Variants in ZSWIM6 observed in about 807,000 individuals in gnomAD.
The protein encoded by ZSWIM6 is zinc finger SWIM domain-containing protein 6.
ZSWIM6 carries 9 observed loss-of-function variants against 113.2 expected under a neutral mutation model. The ratio of observed to expected loss-of-function variants is 0.08; its 90% CI spans 0.05 to 0.14. The LOEUF is 0.14. Ranked by LOEUF, ZSWIM6 falls within the 10% of genes least tolerant of loss-of-function variation. ZSWIM6 has a pLI of 1.00. For synonymous variants in ZSWIM6, 611 were observed against 606.5 expected, an observed-to-expected ratio of 1.01 and a Z score of -0.11; for missense variants, 1,162 against 1,552.2, an observed-to-expected ratio of 0.75 and a Z score of 4.22.
At chr5:61,525,682 G>T in intron 5 of ZSWIM6, 118 bp from the exon 6 acceptor site, 2 of 1,182,440 alleles carry the variant, frequency 1.7e-6, no homozygotes, top group Admixed American at 2.2e-5. Flanking sequence ...TTCTGCTTAG[G>T]GGGTGCAGGA....
chr5:61,362,650 G>T (rs1250079677), intron 1 of ZSWIM6, among the ~76,000 whole-genome samples: 1 of 152,126 alleles, frequency 6.6e-6, no homozygotes, highest in Non-Finnish European at 1.5e-5. Context: ...TGTCCCTATC[G>T]TCTAAGGCTG....
chr5:61,511,031 AATT>A (rs1748773992), intron 4 of ZSWIM6, among the ~76,000 whole-genome samples: 1 of 152,180 alleles, frequency 6.6e-6, no homozygotes. Context: ...TGGGACTCTG[AATT>A]AATAAAATTT....
chr5:61,507,058 G>A (rs1339609090), intron 4 of ZSWIM6, among the ~76,000 whole-genome samples: 1 of 152,162 alleles, frequency 6.6e-6, no homozygotes, highest in Non-Finnish European at 1.5e-5. Context: ...CTTTAGAGAA[G>A]GTGATGCTGG....
At chr5:61,464,145 A>T (rs2112171909) in intron 1 of ZSWIM6, among the ~76,000 whole-genome samples, 1 of 141,188 alleles carries the variant, frequency 7.1e-6, no homozygotes, top group Non-Finnish European at 1.5e-5. Context: ...GTGCATGCCA[A>T]CACACCCGGC....
intron 2 of ZSWIM6, among the ~76,000 whole-genome samples, chr5:61,478,946 G>A (rs1446408631): frequency 6.6e-6 from 1 of 152,086 alleles, no homozygotes; most frequent in African/African-American, 2.4e-5. Flanking sequence ...CAAGGTGAGT[G>A]GATCACTTGA....
At chr5:61,355,166 T>A (rs1015139049) in intron 1 of ZSWIM6, among the ~76,000 whole-genome samples, 1 of 152,170 alleles carries the variant, frequency 6.6e-6, no homozygotes, top group Non-Finnish European at 1.5e-5. Context: ...GTTTCCCTTG[T>A]CAAAGGACCA....
At chr5:61,508,103 A>G (rs901615123) in intron 4 of ZSWIM6, among the ~76,000 whole-genome samples, 1 of 152,114 alleles carries the variant, frequency 6.6e-6, no homozygotes, top group Non-Finnish European at 1.5e-5. Context: ...CTTCTTTTTC[A>G]TGTGAGGGTG....
intron 3 of ZSWIM6, among the ~76,000 whole-genome samples, 192 bp downstream of exon 3, chr5:61,491,126 A>G (rs899233731): frequency 6.6e-6 from 1 of 151,996 alleles, no homozygotes; most frequent in Non-Finnish European, 1.5e-5. Flanking sequence ...GATATGGGAT[A>G]TTTTTGTCTC....
At chr5:61,397,303 T>G (rs917100694) in intron 1 of ZSWIM6, among the ~76,000 whole-genome samples, 2 of 152,240 alleles carry the variant, frequency 1.3e-5, no homozygotes, top group Admixed American at 6.5e-5. Flanking sequence ...TTTTCTTAAA[T>G]TTAAATACAT....
At chr5:61,526,121 A>G in intron 6 of ZSWIM6, 129 bp from the exon 7 acceptor site, 1 of 1,424,142 alleles carries the variant, frequency 7.0e-7, no homozygotes, top group Middle Eastern at 1.9e-4. Context: ...TTTTCATTCA[A>G]ATCCAAGTTC....
rs369980857 is a variant in ZSWIM6, at chr5:61,351,736, A to G, written c.676+18788A>G. On this transcript the variant is annotated intron_variant, in intron 1 of 13. Coordinates refer to ENST00000252744, the MANE Select transcript of ZSWIM6 (RefSeq NM_020928.2). ...CAGTTTAATATTTTCAGTGAAGTTT[A>G]GACTGGATTAGCCATCACATCAAGC... Among the ~76,000 whole-genome samples, 13 of 152,286 alleles carry G rather than the reference A, an allele frequency of 8.5e-5. No homozygotes were observed. The East Asian group carries it at 2.1e-3, about 25-fold the overall frequency.
At position 61,543,870 on chromosome 5, in the gene ZSWIM6, T is replaced by A. The variant is rs1749812327; in HGVS notation, c.3201T>A (p.Pro1067=). The A allele has an allele frequency of 1.9e-6, 3 of 1,552,030 alleles. No homozygotes were observed. The highest frequency in any genetic ancestry group is 2.6e-6 in the Non-Finnish European group (3 of 1,147,072). The part of the protein sequence containing the change: ...LNLSYNQDTH[P]AINDVLWACA... Reference sequence around the variant, plus strand: ...TGAGCTACAATCAGGACACACACCCTGCCATTAATGATGTTTTGTGGGCCT... The same window carrying A: ...TGAGCTACAATCAGGACACACACCCAGCCATTAATGATGTTTTGTGGGCCT... The change falls in exon 14 of 14, where the codon CCT becomes CCA. Residue 1067 remains proline, a synonymous_variant. Coordinates refer to ENST00000252744, the MANE Select transcript of ZSWIM6 (RefSeq NM_020928.2). The surrounding 1 kb of genome is among the most constrained non-coding windows in gnomAD (Gnocchi z 4.3).
chr5:61,364,822 G>A lies in ZSWIM6; in HGVS notation c.676+31874G>A, dbSNP rs1360775834. Among the ~76,000 whole-genome samples, 11 of 152,030 alleles carry A rather than the reference G, an allele frequency of 7.2e-5. No homozygotes were observed. In the East Asian group the frequency reaches 7.7e-4, roughly 11 times the overall value. On this transcript the variant is annotated intron_variant, in intron 1 of 13. Transcript: ENST00000252744. ...AGGGTTCTGCCCTCATGACCTAATC[G>A]TCCCTCAGAGGTTCTACCACCTAAC...
intron 1 of ZSWIM6, among the ~76,000 whole-genome samples, chr5:61,412,633 A>G (rs550530060): frequency 6.6e-6 from 1 of 152,344 alleles, no homozygotes; most frequent in East Asian, 1.9e-4. Context: ...CAAAACCAGA[A>G]AAGAGGCACA....
At chr5:61,435,859 G>A (rs114672653) in intron 1 of ZSWIM6, among the ~76,000 whole-genome samples, 2,335 of 152,218 alleles carry the variant, frequency 0.015, 25 homozygotes, top group Non-Finnish European at 0.026. Flanking sequence ...TTTCTGGTCT[G>A]TAGTCAAGAA....
In ZSWIM6 at chr5:61,494,320, G is replaced by C; in HGVS notation, c.1243G>C (p.Glu415Gln). 6.4e-7 allele frequency: 1 copy of C among 1,551,138 alleles called. No individual in the cohort carries two copies. Among genetic ancestry groups the C allele is most frequent in the Non-Finnish European group, 8.7e-7 (1 of 1,146,600 alleles). Residue 415 changes from glutamate to glutamine, a missense_variant, in exon 4 of 14, where the codon GAG becomes CAG. Around this residue, in one of 4 missense-constraint regions of ZSWIM6, gnomAD observed 96 missense variants for 240.3 expected, o/e 0.40. Transcript: ENST00000252744. ...GGCCCGCATGTTGACCTTGATAACAGAGCAATTCATGGCTGACCCTCGCCT... is the reference window on the plus strand; with the variant it reads ...GGCCCGCATGTTGACCTTGATAACACAGCAATTCATGGCTGACCCTCGCCT... ...NGARMLTLIT[E>Q]QFMADPRLSL...
chr5:61,334,041 C>A (rs768152325), intron 1 of ZSWIM6, among the ~76,000 whole-genome samples: 2 of 152,196 alleles, frequency 1.3e-5, no homozygotes, highest in African/African-American at 4.8e-5. Flanking sequence ...TTTCTGTCAC[C>A]CTCCGAAAAG....
chr5:61,413,334 C>T (rs1280057729), intron 1 of ZSWIM6, among the ~76,000 whole-genome samples: 2 of 151,714 alleles, frequency 1.3e-5, no homozygotes, highest in African/African-American at 2.4e-5. Flanking sequence ...CATCCATGTC[C>T]CTATAAAGGA....
At chr5:61,419,858 G>T (rs1447260227) in intron 1 of ZSWIM6, among the ~76,000 whole-genome samples, 1 of 152,218 alleles carries the variant, frequency 6.6e-6, no homozygotes, top group African/African-American at 2.4e-5. Context: ...CTGGAGTTAG[G>T]TGTGCAATTG....
Sources: gnomAD v4.1 joint callset for allele counts (sites outside exome capture counted in the v4.1 genomes callset) on GRCh38, gnomAD v4.1.1 for gene constraint, gnomAD v4.1.1 regional missense constraint, Gnocchi (gnomAD v3.1) non-coding constraint, MANE v1.5 for transcripts, NCBI Gene and HGNC (gene_info 2026-07-23, HGNC 2026-07-21) for gene names.